The following FAF1 variants were observed in gnomAD, a reference collection of about 807,000 sequenced individuals.
FAF1 encodes the protein FAS-associated factor 1.
A neutral mutation model predicts 92.5 loss-of-function variants in FAF1; 25 were observed. The observed-to-expected ratio is 0.27, with a 90% CI of 0.20 to 0.38. The LOEUF (loss-of-function observed/expected upper bound fraction) is 0.38, where lower values mean the gene tolerates loss of function less well. FAF1 is among the 10% of genes least tolerant of loss of function. FAF1 has a pLI of 1.00. For synonymous variants in FAF1, 234 were observed against 273.2 expected (o/e 0.86, Z 1.42); for missense variants, 636 against 793.3 (o/e 0.80, Z 2.38).
intron 2 of FAF1, among the ~76,000 whole-genome samples, chr1:50,828,641 C>T (rs375036926): frequency 2.6e-5 from 4 of 152,248 alleles, no homozygotes; most frequent in Middle Eastern, 3.4e-3. Flanking sequence ...TTCAGGCTCT[C>T]TTATACCAAC....
At chr1:50,682,366 G>C (rs905001984) in intron 7 of FAF1, among the ~76,000 whole-genome samples, 5 of 152,006 alleles carry the variant, frequency 3.3e-5, no homozygotes, top group Non-Finnish European at 7.4e-5. Flanking sequence ...AGCTGGTTGT[G>C]GTAGCACGCA....
At position 50,800,612 on chromosome 1, in the gene FAF1, G is replaced by A. The variant is rs552469429; in HGVS notation, c.161+1019C>T. Among the ~76,000 whole-genome samples the A allele has an allele frequency of 2.6e-5, 4 of 152,256 alleles. No homozygotes were observed. In the East Asian group the frequency reaches 7.7e-4, roughly 29 times the overall value. ...GGGGGTATAGGTCTATTTTATCATTGCTTTCATCTAAAAACCATCAACCAT... is the reference window on the plus strand; with the variant it reads ...GGGGGTATAGGTCTATTTTATCATTACTTTCATCTAAAAACCATCAACCAT... On this transcript the variant is annotated intron_variant, in intron 3 of 18. Transcript: ENST00000396153.
intron 7 of FAF1, among the ~76,000 whole-genome samples, chr1:50,695,994 G>A (rs1415339089): frequency 1.3e-5 from 2 of 149,500 alleles, no homozygotes; most frequent in Non-Finnish European, 3.0e-5. Context: ...AAATGGCTAG[G>A]CAAGGGAAAT....
chr1:50,629,589 G>T (rs1243633657), intron 8 of FAF1, among the ~76,000 whole-genome samples: 1 of 152,186 alleles, frequency 6.6e-6, no homozygotes, highest in African/African-American at 2.4e-5. Context: ...ATAATTTATG[G>T]TATAGTAAAA....
intron 3 of FAF1, among the ~76,000 whole-genome samples, chr1:50,788,429 A>G (rs1661441407): frequency 6.6e-6 from 1 of 152,188 alleles, no homozygotes; most frequent in Non-Finnish European, 1.5e-5. Context: ...GTTTATTAGC[A>G]GTATCATATC....
intron 15 of FAF1, among the ~76,000 whole-genome samples, chr1:50,500,292 T>C (rs1461505071): frequency 6.6e-6 from 1 of 152,154 alleles, no homozygotes; most frequent in Non-Finnish European, 1.5e-5. Context: ...ATAGTAATTC[T>C]GTATGGTACT....
intron 18 of FAF1, among the ~76,000 whole-genome samples, chr1:50,463,539 C>G (rs1348523535): frequency 6.6e-6 from 1 of 152,176 alleles, no homozygotes; most frequent in Admixed American, 6.5e-5. Context: ...ATCTCAGTTA[C>G]TATGTGTGTG....
intron 4 of FAF1, among the ~76,000 whole-genome samples, chr1:50,767,304 T>G (rs1660611666): frequency 6.6e-6 from 1 of 152,052 alleles, no homozygotes; most frequent in Non-Finnish European, 1.5e-5. Context: ...TCTAAAAAAT[T>G]TGGCATTACA....
chr1:50,902,966 T>G (rs1255928340), intron 1 of FAF1, among the ~76,000 whole-genome samples: 2 of 152,148 alleles, frequency 1.3e-5, no homozygotes, highest in East Asian at 1.9e-4. Context: ...ACTACACAAT[T>G]TGGGTGTTAT....
intron 13 of FAF1, among the ~76,000 whole-genome samples, chr1:50,555,274 CT>C (rs940218006): frequency 1.1e-4 from 16 of 146,358 alleles, no homozygotes; most frequent in African/African-American, 4.4e-4. Context: ...CCCCAGGACT[CT>C]GACACACACA....
chr1:50,658,560 G>C (rs961971495), intron 7 of FAF1, among the ~76,000 whole-genome samples: 1 of 152,200 alleles, frequency 6.6e-6, no homozygotes, highest in Non-Finnish European at 1.5e-5. Flanking sequence ...CCTGGCTATA[G>C]TGTTATGTTG....
At chr1:50,827,791 T>C (rs17391220) in intron 2 of FAF1, among the ~76,000 whole-genome samples, 10,075 of 151,896 alleles carry the variant, frequency 0.066, 437 homozygotes, top group Non-Finnish European at 0.1. Context: ...CCTAAACCAA[T>C]ATCAAAAGAA....
intron 18 of FAF1, among the ~76,000 whole-genome samples, chr1:50,460,807 T>A (rs1356591957): frequency 7.0e-6 from 1 of 142,926 alleles, no homozygotes; most frequent in African/African-American, 2.9e-5. Context: ...AGTATTTGTA[T>A]ATGTGTGTGT....
At chr1:50,910,413 T>C (rs1570129706) in intron 1 of FAF1, among the ~76,000 whole-genome samples, 1 of 152,214 alleles carries the variant, frequency 6.6e-6, no homozygotes, top group Admixed American at 6.5e-5. Flanking sequence ...TCTTCAAAGC[T>C]GTCAGACAGG....
intron 1 of FAF1, among the ~76,000 whole-genome samples, chr1:50,928,082 T>C (rs1211184052): frequency 1.3e-5 from 2 of 152,236 alleles, no homozygotes; most frequent in Admixed American, 6.5e-5. Context: ...ATCTGGATGA[T>C]GTTCACAGCC....
intron 7 of FAF1, among the ~76,000 whole-genome samples, chr1:50,691,183 C>G (rs929380538): frequency 6.6e-6 from 1 of 152,156 alleles, no homozygotes; most frequent in African/African-American, 2.4e-5. Flanking sequence ...TGTCATAATT[C>G]CACCAGCAAT....
At chr1:50,723,996 G>C (rs1658519276) in intron 6 of FAF1, among the ~76,000 whole-genome samples, 1 of 151,956 alleles carries the variant, frequency 6.6e-6, no homozygotes, top group Non-Finnish European at 1.5e-5. Context: ...TGATCCACCT[G>C]CCTTGGCCTC....
intron 15 of FAF1, among the ~76,000 whole-genome samples, chr1:50,528,611 T>C (rs150629395): frequency 6.6e-6 from 1 of 152,328 alleles, no homozygotes; most frequent in African/African-American, 2.4e-5. Context: ...TCTATACTGG[T>C]ACTGGAGTTC....
chr1:50,654,971 CTTTTTTTTTT>C (rs569202434), intron 8 of FAF1, among the ~76,000 whole-genome samples: 1 of 137,888 alleles, frequency 7.3e-6, no homozygotes, highest in Non-Finnish European at 1.6e-5. Context: ...TTAGATATTT[CTTTTTTTTTT>C]TTTTTTGAGA....
Sources: gnomAD v4.1 joint callset for allele counts (sites outside exome capture counted in the v4.1 genomes callset) on GRCh38, gnomAD v4.1.1 for gene constraint, MANE v1.5 for transcripts, NCBI Gene and HGNC (gene_info 2026-07-23, HGNC 2026-07-21) for gene names.